Variants in PBRM1 observed in about 807,000 individuals in gnomAD.
PBRM1 encodes the protein polybromo 1.
PBRM1 carries 27 observed loss-of-function variants against 194.5 expected under a neutral mutation model. The ratio of observed to expected loss-of-function variants is 0.14; its 90% CI spans 0.10 to 0.19. The LOEUF (loss-of-function observed/expected upper bound fraction) is 0.19. Ranked by LOEUF, PBRM1 falls within the 10% of genes least tolerant of loss-of-function variation. The pLI, the probability that PBRM1 is intolerant of heterozygous loss-of-function variation, is 1.00. For missense variants in PBRM1, 1,466 were observed against 2,077.2 expected (o/e 0.71, Z 5.72); for synonymous variants, 655 against 693.2 (o/e 0.94, Z 0.87).
At chr3:52,615,935 A>C (rs1484986700) in intron 14 of PBRM1, among the ~76,000 whole-genome samples, 1 of 152,186 alleles carries the variant, frequency 6.6e-6, no homozygotes, top group Non-Finnish European at 1.5e-5. Flanking sequence ...ATCCTTGCTT[A>C]GGGATCTCTC....
intron 4 of PBRM1, among the ~76,000 whole-genome samples, chr3:52,660,643 G>A (rs1159235911): frequency 6.6e-6 from 1 of 151,964 alleles, no homozygotes; most frequent in Non-Finnish European, 1.5e-5. Flanking sequence ...CTCCCGAGTA[G>A]CAGGGATTAC....
intron 3 of PBRM1, among the ~76,000 whole-genome samples, chr3:52,662,742 C>A (rs2096750279): frequency 1.3e-5 from 2 of 150,994 alleles, no homozygotes; most frequent in Non-Finnish European, 2.9e-5. Context: ...AGGAGAATCA[C>A]TTGAACCAGA....
At position 52,629,054 on chromosome 3, in the gene PBRM1, T is replaced by C. The variant is rs1347492030; in HGVS notation, c.1302-19A>G. 5.1e-6 allele frequency: 8 copies of C among 1,564,066 alleles called. No individual in the cohort carries two copies. The African/African-American group carries it at 6.9e-5, about 13-fold the overall frequency. ...TTTTGTTCTGTGAAAGACAAAGAAA[T>C]TGCTAGAATTTTCTGTCATGAAAAT... On this transcript the variant is annotated intron_variant, in intron 11 of 29. Coordinates refer to ENST00000296302, the Ensembl canonical transcript of PBRM1.
At chr3:52,568,716 C>T (rs1008206202) in intron 22 of PBRM1, among the ~76,000 whole-genome samples, 1 of 152,088 alleles carries the variant, frequency 6.6e-6, no homozygotes, top group Non-Finnish European at 1.5e-5. Context: ...TACTTCTTTC[C>T]CCACTTACCT....
intron 20 of PBRM1, among the ~76,000 whole-genome samples, chr3:52,583,530 T>G (rs2091810289): frequency 6.6e-6 from 1 of 152,198 alleles, no homozygotes; most frequent in Non-Finnish European, 1.5e-5. Context: ...ATACAAACTA[T>G]TAGGTTAACT....
At chr3:52,645,689 T>C (rs1182943434) in intron 7 of PBRM1, among the ~76,000 whole-genome samples, 1 of 151,516 alleles carries the variant, frequency 6.6e-6, no homozygotes, top group South Asian at 2.1e-4. Flanking sequence ...ATAACCGAGA[T>C]GGCTACACAG....
At chr3:52,558,904 G>A (rs1027252191) in intron 25 of PBRM1, among the ~76,000 whole-genome samples, 4 of 152,174 alleles carry the variant, frequency 2.6e-5, no homozygotes, top group South Asian at 2.1e-4. Flanking sequence ...GACTCATCAC[G>A]AGTGTCATGG....
intron 10 of PBRM1, among the ~76,000 whole-genome samples, chr3:52,641,553 G>A (rs1389270166): frequency 1.3e-5 from 2 of 151,592 alleles, no homozygotes; most frequent in African/African-American, 4.8e-5. Flanking sequence ...TATAGTAAAG[G>A]GGAAAATATT....
chr3:52,558,172 C>T (rs1304602501), intron 26 of PBRM1, 77 bp downstream of exon 28: 2 of 1,045,092 alleles, frequency 1.9e-6, no homozygotes, highest in African/African-American at 3.2e-5. Context: ...TAGACTGTGG[C>T]CTACTCCTTA....
At position 52,609,314 on chromosome 3, in the gene PBRM1, G is replaced by A. The variant is rs2094500053; in HGVS notation, c.2566C>T (p.Arg856Trp). The A allele has an allele frequency of 3.1e-6, 5 of 1,607,690 alleles. No homozygotes were observed. Among genetic ancestry groups the A allele is most frequent in the Non-Finnish European group, 3.4e-6 (4 of 1,175,840 alleles). ...ATAAAAATGGCTTTGAAAACATACC[G>A]ATTCATCCTTCTTGCTCGTTCCAAT... Residue 856 changes from arginine (R) to tryptophan (W), a missense_variant and splice_region_variant, in exon 16 of 30, where the codon CGG becomes TGG. Arg to Trp is a moderately radical substitution (Grantham distance 101). Transcript: ENST00000296302. This position sits in a 1 kb window ranked among gnomAD's most constrained non-coding sequence, Gnocchi z 4.1.
In PBRM1 at chr3:52,649,570, T is replaced by C. The variant is rs184664816; in HGVS notation, c.715-1128A>G. Among the ~76,000 whole-genome samples the C allele has an allele frequency of 2.9e-4, 44 of 152,344 alleles. 1 individual carries two copies. In the East Asian group the frequency reaches 7.3e-3, roughly 25 times the overall value. On this transcript the variant is annotated intron_variant, in intron 6 of 29. Coordinates refer to ENST00000296302, the Ensembl canonical transcript of PBRM1. ...GTATCCAAAGGCTAGTTCCTCAACC[T>C]TTCTTCTCAACATTTCTATGAGCTA... is the stretch of plus-strand genomic sequence containing the variant.
intron 17 of PBRM1, among the ~76,000 whole-genome samples, chr3:52,594,133 T>C (rs1040916970): frequency 2.0e-5 from 3 of 152,176 alleles, no homozygotes; most frequent in Admixed American, 6.5e-5. Context: ...CCTCCTGTCT[T>C]GGCCTCCCAC....
intron 22 of PBRM1, among the ~76,000 whole-genome samples, chr3:52,568,389 C>A (rs543852411): frequency 6.6e-6 from 1 of 152,296 alleles, no homozygotes; most frequent in Admixed American, 6.5e-5. Context: ...AAAATCAGAT[C>A]TTTGTCTATG....
rs143202065 is a variant in PBRM1 at position 52,563,454 on chromosome 3, C to T, written c.3915G>A (p.Leu1305=). The change falls in exon 24 of 30, where the codon CTG becomes CTA. Residue 1305 remains leucine, a synonymous_variant. Coordinates refer to ENST00000296302, the Ensembl canonical transcript of PBRM1. ...CTTCTAGCAACTGGATCTTCTTTTCCAGCAAAGGTGATGGCTCCTTCTGAG... is the reference window on the plus strand; with the variant it reads ...CTTCTAGCAACTGGATCTTCTTTTCTAGCAAAGGTGATGGCTCCTTCTGAG... The T allele has an allele frequency of 5.1e-5, 83 of 1,614,034 alleles. No individual in the cohort carries two copies. In the African/African-American group the frequency reaches 6.0e-4, roughly 12 times the overall value.
At chr3:52,558,502 C>CA in intron 25 of PBRM1, 89 bp from the exon 28 acceptor site, 1 of 1,135,452 alleles carries the variant, frequency 8.8e-7, no homozygotes. Flanking sequence ...AGTAAAAACA[C>CA]AGGCAACAGT....
chr3:52,605,680 G>A (rs982495430), intron 16 of PBRM1, among the ~76,000 whole-genome samples: 11 of 145,400 alleles, frequency 7.6e-5, no homozygotes, highest in African/African-American at 2.8e-4. Flanking sequence ...TCAGCTCATT[G>A]CAACCTCTGC....
upstream of PBRM1, among the ~76,000 whole-genome samples, chr3:52,680,830 T>G (rs1412133030): frequency 6.6e-6 from 1 of 151,930 alleles, no homozygotes; most frequent in Non-Finnish European, 1.5e-5. Context: ...CCAGCTAATT[T>G]TTGTATTTTT....
chr3:52,642,149 ATAAT>A, intron 9 of PBRM1, 104 bp from the exon 11 acceptor site: 1 of 708,408 alleles, frequency 1.4e-6, no homozygotes, highest in Non-Finnish European at 2.5e-6. Context: ...TGAAAGAAAA[ATAAT>A]TTCTATTCAA....
At chr3:52,615,674 C>T (rs1181396626) in intron 14 of PBRM1, among the ~76,000 whole-genome samples, 1 of 152,166 alleles carries the variant, frequency 6.6e-6, no homozygotes, top group African/African-American at 2.4e-5. Flanking sequence ...TTCTAATGCA[C>T]AGACATGCAT....
Sources: allele counts gnomAD v4.1 joint callset (sites outside exome capture counted in the v4.1 genomes callset), GRCh38; gene constraint gnomAD v4.1.1; non-coding constraint Gnocchi (gnomAD v3.1); transcripts MANE v1.5; gene names NCBI Gene and HGNC (gene_info 2026-07-23, HGNC 2026-07-21).